ZFHX3: variants seen among roughly 807,000 people sequenced by gnomAD.
The protein encoded by ZFHX3 is zinc finger homeobox protein 3.
A neutral mutation model predicts 279.1 loss-of-function variants in ZFHX3; 42 were observed. That is an observed-to-expected ratio of 0.15 (90% confidence interval 0.12 to 0.19). ZFHX3 has a LOEUF of 0.19. Ranked by LOEUF, ZFHX3 falls within the 10% of genes least tolerant of loss-of-function variation. The pLI is 1.00. For synonymous variants in ZFHX3, 2,293 were observed against 1,957.8 expected (o/e 1.17, Z -4.52); for missense variants, 4,981 against 4,754.0 (o/e 1.05, Z -1.40).
intron 2 of ZFHX3, among the ~76,000 whole-genome samples, chr16:73,530,603 T>A (rs1301379410): frequency 6.6e-6 from 1 of 152,054 alleles, no homozygotes; most frequent in Non-Finnish European, 1.5e-5. Context: ...TTGGGACTCC[T>A]TTTAAGGAGC....
intron 4 of ZFHX3, among the ~76,000 whole-genome samples, chr16:72,837,911 C>CTT (rs1464723860): frequency 4.6e-5 from 7 of 152,298 alleles, no homozygotes; most frequent in African/African-American, 1.4e-4. Flanking sequence ...CCTACAAACT[C>CTT]TTTTTCACAT....
intron 4 of ZFHX3, among the ~76,000 whole-genome samples, chr16:72,831,732 C>T (rs1266119214): frequency 1.3e-5 from 2 of 152,146 alleles, no homozygotes; most frequent in African/African-American, 4.8e-5. Flanking sequence ...GTGATACCAG[C>T]GTGCGGTCAA....
Position 72,974,568 on chromosome 16 carries a change from A to AACACACACACACACACACAC in ZFHX3, c.-49-14394_-49-14375dup, listed in dbSNP as rs59350988. Reference sequence around the variant, plus strand: ...CCCTTTGGAGGCTCACTGATAGGGCAACACACACACACACACACACACACA... The same window carrying AACACACACACACACACACAC: ...CCCTTTGGAGGCTCACTGATAGGGCAACACACACACACACACACACACACACACACACACACACACACACA... On this transcript the variant is annotated intron_variant, in intron 1 of 9. Transcript: ENST00000268489. Among the ~76,000 whole-genome samples the AACACACACACACACACACAC allele has an allele frequency of 2.0e-3, 298 of 148,362 alleles. 1 individual carries two copies. Among genetic ancestry groups the AACACACACACACACACACAC allele is most frequent in the Middle Eastern group, 0.01 (3 of 290 alleles).
intron 3 of ZFHX3, among the ~76,000 whole-genome samples, chr16:73,451,632 G>A (rs1358551125): frequency 6.6e-6 from 1 of 152,116 alleles, no homozygotes; most frequent in African/African-American, 2.4e-5. Context: ...GGTGTTTTAA[G>A]CATTTTTCTA....
chr16:72,949,446 A>G (rs967915729), intron 3 of ZFHX3, among the ~76,000 whole-genome samples: 2 of 152,206 alleles, frequency 1.3e-5, no homozygotes, highest in African/African-American at 4.8e-5. Context: ...CCATTATGGG[A>G]TGATTAGAGA....
intron 1 of ZFHX3, among the ~76,000 whole-genome samples, chr16:73,046,787 C>G (rs1159833491): frequency 6.6e-6 from 1 of 151,924 alleles, no homozygotes; most frequent in Admixed American, 6.6e-5. Context: ...AAGCAGGACC[C>G]AGTATGAAGG....
At chr16:73,802,850 C>T (rs929948714) in intron 1 of ZFHX3, among the ~76,000 whole-genome samples, 19 of 152,222 alleles carry the variant, frequency 1.2e-4, no homozygotes, top group Admixed American at 1.2e-3. Flanking sequence ...TAGAGCCTCA[C>T]TCTGTTGCCC....
At chr16:72,848,701 C>T (rs909327880) in intron 4 of ZFHX3, among the ~76,000 whole-genome samples, 11 of 150,952 alleles carry the variant, frequency 7.3e-5, no homozygotes, top group Non-Finnish European at 1.3e-4. Context: ...CCCTCTTGCC[C>T]GCCCTCCTGA....
intron 3 of ZFHX3, among the ~76,000 whole-genome samples, chr16:73,332,510 C>A (rs1183816972): frequency 6.6e-6 from 1 of 152,176 alleles, no homozygotes; most frequent in Non-Finnish European, 1.5e-5. Context: ...GGCTGAACTA[C>A]CACCCAGAGG....
At chr16:73,677,203 G>A (rs1209357114) in intron 2 of ZFHX3, among the ~76,000 whole-genome samples, 1 of 143,302 alleles carries the variant, frequency 7.0e-6, no homozygotes, top group East Asian at 2.1e-4. Flanking sequence ...ATTTTAGGAG[G>A]CAATTAAATA....
chr16:73,775,252 G>A (rs779757506), intron 1 of ZFHX3, among the ~76,000 whole-genome samples: 1 of 152,160 alleles, frequency 6.6e-6, no homozygotes, highest in African/African-American at 2.4e-5. Context: ...ATGACTGAGA[G>A]GTCTCCGCTT....
chr16:73,108,994 T>C (rs952072919), intron 7 of ZFHX3, among the ~76,000 whole-genome samples: 1 of 88,690 alleles, frequency 1.1e-5, no homozygotes, highest in African/African-American at 6.1e-5. Flanking sequence ...TGATAGGCAC[T>C]GGTTGGGGAT....
chr16:72,833,730 CA>C (rs1460086252), intron 4 of ZFHX3, among the ~76,000 whole-genome samples: 2 of 152,156 alleles, frequency 1.3e-5, no homozygotes, highest in African/African-American at 4.8e-5. Context: ...GTAGCAGGCC[CA>C]ATGCCTCCCA....
intron 1 of ZFHX3, among the ~76,000 whole-genome samples, chr16:73,009,437 T>C (rs1001447717): frequency 2.6e-5 from 4 of 152,074 alleles, no homozygotes; most frequent in Non-Finnish European, 5.9e-5. Context: ...TTGGGAGCAT[T>C]ATTAGTGAGA....
At chr16:73,576,140 A>G (rs1339461180) in intron 2 of ZFHX3, among the ~76,000 whole-genome samples, 1 of 152,072 alleles carries the variant, frequency 6.6e-6, no homozygotes, top group African/African-American at 2.4e-5. Context: ...ACTTCATGGC[A>G]CTATTTTTTT....
intron 3 of ZFHX3, among the ~76,000 whole-genome samples, chr16:73,377,041 G>A (rs751059591): frequency 6.9e-6 from 1 of 144,622 alleles, no homozygotes; most frequent in Non-Finnish European, 1.5e-5. Context: ...GCACCATCTT[G>A]GCTCACTGGA....
In ZFHX3 at chr16:73,843,294, G is replaced by A. The variant is rs1037930420; in HGVS notation, c.-1608+48357C>T. Among the ~76,000 whole-genome samples, 10 of 152,190 alleles carry A rather than the reference G, an allele frequency of 6.6e-5. No individual in the cohort carries two copies. In the South Asian group the frequency reaches 1.2e-3, roughly 19 times the overall value. On this transcript the variant is annotated intron_variant, in intron 1 of 17. Coordinates refer to the ZFHX3 transcript ENST00000641206. ...GAAAGACAATGCCTAGGCTCCTTCC[G>A]TGTGCACAGCTGAAAAGCCCCAAGT...
chr16:73,437,224 GA>G (rs1225577052), intron 3 of ZFHX3, among the ~76,000 whole-genome samples: 1 of 152,174 alleles, frequency 6.6e-6, no homozygotes, highest in Non-Finnish European at 1.5e-5. Context: ...TTTTGCAGAT[GA>G]AAAAACTTAG....
chr16:73,240,623 G>A (rs1196649258), intron 5 of ZFHX3, among the ~76,000 whole-genome samples: 2 of 152,132 alleles, frequency 1.3e-5, no homozygotes, highest in African/African-American at 4.8e-5. Flanking sequence ...GATAAAACAG[G>A]AAGCAGACCC....
Sources: allele counts gnomAD v4.1 joint callset (sites outside exome capture counted in the v4.1 genomes callset), GRCh38; gene constraint gnomAD v4.1.1; transcripts MANE v1.5; gene names NCBI Gene and HGNC (gene_info 2026-07-23, HGNC 2026-07-21).